The following ATP10A variants were observed in gnomAD, a reference collection of about 807,000 sequenced individuals.
The protein encoded by ATP10A is phospholipid-transporting ATPase VA.
In ATP10A, 111 loss-of-function variants were observed where a neutral mutation model predicts 147.8. The ratio of observed to expected loss-of-function variants is 0.75; its 90% CI spans 0.64 to 0.88. ATP10A has a LOEUF of 0.88. Among genes scored for constraint, ATP10A ranks in the 40% least tolerant of loss-of-function variants. The pLI is 0.00. For synonymous variants in ATP10A, 875 were observed against 841.6 expected, an observed-to-expected ratio of 1.04 and a Z score of -0.69; for missense variants, 1,927 against 1,959.0, an observed-to-expected ratio of 0.98 and a Z score of 0.31.
Position 25,708,060 on chromosome 15 carries a change from G to A in ATP10A, c.2491C>T (p.Leu831=), listed in dbSNP as rs1901151967. 6.2e-7 allele frequency: 1 copy of A among 1,614,142 alleles called. No individual in the cohort carries two copies. The highest frequency in any genetic ancestry group is 8.5e-7 in the Non-Finnish European group (1 of 1,180,036). ...TTTTCCAGGGAGGATTCGGCTTCTA[G>A]GTGGCTTTGCAACCAGCAGGCATAC... ...EEYACWLQSH[L]EAESSLENSE... The change falls in exon 12 of 21, where the codon CTA becomes TTA. Residue 831 remains leucine (L), a synonymous_variant. Transcript: ENST00000555815.
chr15:25,780,167 CT>C (rs1889838835), intron 2 of ATP10A, among the ~76,000 whole-genome samples: 1 of 152,270 alleles, frequency 6.6e-6, no homozygotes, highest in Admixed American at 6.5e-5. Context: ...GCCCGATGGG[CT>C]GGTGCCGAGG....
chr15:25,854,880 A>G (rs957277270), intron 1 of ATP10A, among the ~76,000 whole-genome samples: 1 of 152,212 alleles, frequency 6.6e-6, no homozygotes, highest in Admixed American at 6.5e-5. Flanking sequence ...CAACATGGTG[A>G]AACCCAGTCT....
At chr15:25,747,608 G>A (rs2140535079) in intron 2 of ATP10A, among the ~76,000 whole-genome samples, 1 of 152,130 alleles carries the variant, frequency 6.6e-6, no homozygotes, top group East Asian at 1.9e-4. Context: ...GTGAACAACT[G>A]AATGCTAATA....
chr15:25,865,002 T>A (rs1893924300), upstream of ATP10A: 1 of 150,356 alleles, frequency 6.7e-6, no homozygotes, highest in Non-Finnish European at 1.5e-5. Context: ...ACCGCCTCAT[T>A]CCATTTGCTT....
chr15:25,780,381 G>A (rs1323742741), intron 2 of ATP10A, among the ~76,000 whole-genome samples: 5 of 152,226 alleles, frequency 3.3e-5, no homozygotes, highest in Admixed American at 6.5e-5. Context: ...GATCTCTGAG[G>A]GCTCCTGCCC....
intron 1 of ATP10A, among the ~76,000 whole-genome samples, chr15:25,852,123 CT>C (rs938949071): frequency 2.0e-5 from 3 of 152,034 alleles, no homozygotes; most frequent in Non-Finnish European, 4.4e-5. Flanking sequence ...CTCTCTTCCC[CT>C]CCCTCCAATT....
intron 3 of ATP10A, among the ~76,000 whole-genome samples, chr15:25,735,766 G>A (rs1425271106): frequency 6.6e-6 from 1 of 152,090 alleles, no homozygotes; most frequent in Non-Finnish European, 1.5e-5. Context: ...CACATCTCTT[G>A]TCACACCCAT....
chr15:25,849,923 G>A (rs1026609966), intron 1 of ATP10A, among the ~76,000 whole-genome samples: 1 of 152,102 alleles, frequency 6.6e-6, no homozygotes, highest in Non-Finnish European at 1.5e-5. Context: ...ACACACATCT[G>A]ATTTGACTAA....
intron 1 of ATP10A, among the ~76,000 whole-genome samples, chr15:25,816,244 T>TG (rs995479038): frequency 1.3e-5 from 2 of 151,238 alleles, no homozygotes; most frequent in Non-Finnish European, 2.9e-5. Context: ...GCTTTGTTTT[T>TG]TTTGATGAGG....
chr15:25,848,535 C>T (rs1258921766), intron 1 of ATP10A, among the ~76,000 whole-genome samples: 2 of 152,028 alleles, frequency 1.3e-5, no homozygotes, highest in Non-Finnish European at 2.9e-5. Context: ...GGCAGGGCGG[C>T]GGGAGAGAAT....
chr15:25,764,870 C>G (rs1888942954), intron 2 of ATP10A, among the ~76,000 whole-genome samples: 1 of 152,170 alleles, frequency 6.6e-6, no homozygotes, highest in Non-Finnish European at 1.5e-5. Flanking sequence ...CTGCTAATGG[C>G]AGAGGGTAAT....
intron 1 of ATP10A, among the ~76,000 whole-genome samples, chr15:25,803,321 G>C (rs902284786): frequency 1.1e-4 from 16 of 152,236 alleles, no homozygotes; most frequent in African/African-American, 3.9e-4. Context: ...GGAAACATCT[G>C]TTGGTTCTGC....
intron 3 of ATP10A, among the ~76,000 whole-genome samples, chr15:25,728,666 C>T (rs1229203908): frequency 1.3e-5 from 2 of 152,224 alleles, no homozygotes; most frequent in East Asian, 3.8e-4. Flanking sequence ...TCTCCGAGTT[C>T]AGGTTATGCT....
intron 2 of ATP10A, among the ~76,000 whole-genome samples, chr15:25,764,735 T>G (rs1888935694): frequency 6.6e-6 from 1 of 152,204 alleles, no homozygotes; most frequent in South Asian, 2.1e-4. Flanking sequence ...TTTCCAACAA[T>G]CTGAGCTATC....
chr15:25,842,703 T>C (rs1244581991), intron 1 of ATP10A, among the ~76,000 whole-genome samples: 1 of 152,128 alleles, frequency 6.6e-6, no homozygotes, highest in East Asian at 1.9e-4. Context: ...GGTAAACGTC[T>C]TTGACTCCAT....
downstream of ATP10A, among the ~76,000 whole-genome samples, chr15:25,676,835 G>A (rs1176502706): frequency 6.6e-6 from 1 of 152,008 alleles, no homozygotes; most frequent in African/African-American, 2.4e-5. Flanking sequence ...TTTGAAGAAT[G>A]CATGTCTTGT....
chr15:25,793,786 C>T (rs945872052), intron 1 of ATP10A, among the ~76,000 whole-genome samples: 2 of 152,224 alleles, frequency 1.3e-5, no homozygotes, highest in African/African-American at 4.8e-5. Flanking sequence ...GCCTGGGGAA[C>T]CAGGGCATCC....
chr15:25,695,069 G>A lies in ATP10A; in HGVS notation c.2838C>T (p.Thr946=). 1 of 1,614,190 alleles carries A rather than the reference G, an allele frequency of 6.2e-7. No individual in the cohort carries two copies. Among genetic ancestry groups the A allele is most frequent in the South Asian group, 1.1e-5 (1 of 91,088 alleles). Reference sequence around the variant, plus strand: ...AGAACCTCATGCTCACTTTGCCCTTGGTCTTCTCAGGGGCTCTCTGGAGGC... The same window carrying A: ...AGAACCTCATGCTCACTTTGCCCTTAGTCTTCTCAGGGGCTCTCTGGAGGC... ...SRGLQRAPEK[T]KGKVSMRFSS... is the part of the protein sequence containing the mutation. The change falls in exon 14 of 21, where the codon ACC becomes ACT. Residue 946 remains threonine (T), a synonymous_variant. Coordinates refer to ENST00000555815, the MANE Select transcript of ATP10A (RefSeq NM_024490.4).
intron 1 of ATP10A, among the ~76,000 whole-genome samples, chr15:25,854,725 T>C (rs1893433792): frequency 6.6e-6 from 1 of 152,192 alleles, no homozygotes. Context: ...TCCAAGGATT[T>C]AATGAAGGAT....
Sources: gnomAD v4.1 joint callset for allele counts (sites outside exome capture counted in the v4.1 genomes callset) on GRCh38, gnomAD v4.1.1 for gene constraint, MANE v1.5 for transcripts, NCBI Gene and HGNC (gene_info 2026-07-23, HGNC 2026-07-21) for gene names.